Variants in FOXP1 observed in about 807,000 individuals in gnomAD.
FOXP1 encodes forkhead box protein P1.
A neutral mutation model predicts 98.2 loss-of-function variants in FOXP1; 15 were observed. The ratio of observed to expected loss-of-function variants is 0.15; its 90% CI spans 0.10 to 0.24. The LOEUF (loss-of-function observed/expected upper bound fraction) is 0.24. Ranked by LOEUF, FOXP1 falls within the 10% of genes least tolerant of loss-of-function variation. The probability of loss-of-function intolerance (pLI) is 1.00; values close to 1 mark genes in which losing one functional copy is unlikely to be tolerated. For missense variants in FOXP1, 633 were observed against 848.5 expected, an observed-to-expected ratio of 0.75 and a Z score of 3.15; for synonymous variants, 371 against 314.5, an observed-to-expected ratio of 1.18 and a Z score of -1.90.
chr3:71,148,600 C>T (rs2060430568), intron 6 of FOXP1, among the ~76,000 whole-genome samples: 2 of 152,144 alleles, frequency 1.3e-5, no homozygotes, highest in Admixed American at 1.3e-4. Context: ...AATTTAAATG[C>T]ATTACTGTCT....
rs2081172622 is a variant in FOXP1 at position 71,393,406 on chromosome 3, A to AT, written c.-167-34163dup. On this transcript the variant is annotated intron_variant, in intron 3 of 20. Transcript: ENST00000649528. ...TAATGATGACTATAGAAGACTCATA[A>AT]TAAAAAAAAAACTCATAAAATGTCA... is the stretch of plus-strand genomic sequence containing the variant. 3.3e-5 allele frequency among the ~76,000 whole-genome samples: 5 copies of AT among 152,112 alleles called. No homozygotes were observed. The South Asian group carries it at 1.0e-3, about 32-fold the overall frequency.
intron 7 of FOXP1, among the ~76,000 whole-genome samples, chr3:71,075,422 T>A (rs1054876799): frequency 3.3e-5 from 5 of 152,194 alleles, no homozygotes; most frequent in African/African-American, 1.2e-4. Flanking sequence ...CAAAATTTAT[T>A]TTAGTTTCTT....
chr3:71,395,100 CAAAAAAAAAAAA>C (rs10543398), intron 3 of FOXP1, among the ~76,000 whole-genome samples: 58 of 63,806 alleles, frequency 9.1e-4, no homozygotes, highest in South Asian at 3.5e-3. Context: ...AACCCCGTCA[CAAAAAAAAAAAA>C]AAAAAAAAAA....
chr3:71,526,601 A>T (rs1174252257), intron 2 of FOXP1, among the ~76,000 whole-genome samples: 1 of 152,238 alleles, frequency 6.6e-6, no homozygotes, highest in Non-Finnish European at 1.5e-5. Context: ...TCTTCTTTGA[A>T]TGTAGCACTG....
intron 3 of FOXP1, among the ~76,000 whole-genome samples, chr3:71,369,255 T>C (rs1319927670): frequency 6.6e-6 from 1 of 152,070 alleles, no homozygotes; most frequent in East Asian, 1.9e-4. Flanking sequence ...CTGGGCGTAG[T>C]GGCGGGTAAG....
At chr3:71,373,580 T>C (rs1193295253) in intron 3 of FOXP1, among the ~76,000 whole-genome samples, 1 of 152,202 alleles carries the variant, frequency 6.6e-6, no homozygotes, top group Non-Finnish European at 1.5e-5. Flanking sequence ...GCACTAAGCT[T>C]CACAAAAAGC....
chr3:71,065,984 A>G (rs1243904975), intron 7 of FOXP1, among the ~76,000 whole-genome samples: 1 of 150,218 alleles, frequency 6.7e-6, no homozygotes, highest in Non-Finnish European at 1.5e-5. Context: ...TGGCCTGTAT[A>G]TTTTTTAAAG....
intron 13 of FOXP1, among the ~76,000 whole-genome samples, chr3:70,992,191 T>G (rs2040708319): frequency 6.6e-6 from 1 of 152,198 alleles, no homozygotes; most frequent in South Asian, 2.1e-4. Context: ...GGACCCCAAG[T>G]GTCCAAGTTT....
At chr3:71,091,107 G>GTT (rs1433526667) in intron 7 of FOXP1, among the ~76,000 whole-genome samples, 1 of 116,694 alleles carries the variant, frequency 8.6e-6, no homozygotes, top group African/African-American at 3.3e-5. Context: ...CTGTGTGTGT[G>GTT]TGTGTGTGTG....
At chr3:70,963,903 G>C (rs554709770) in intron 20 of FOXP1, among the ~76,000 whole-genome samples, 5 of 152,312 alleles carry the variant, frequency 3.3e-5, no homozygotes, top group African/African-American at 7.2e-5. Flanking sequence ...CTCAATATTA[G>C]CTAGGCCGCC....
At chr3:71,380,526 T>C (rs1399330281) in intron 3 of FOXP1, among the ~76,000 whole-genome samples, 2 of 152,236 alleles carry the variant, frequency 1.3e-5, no homozygotes, top group African/African-American at 4.8e-5. Flanking sequence ...TTCTTTTCAC[T>C]CTGATGGAAA....
chr3:71,337,909 C>G (rs7638193), intron 4 of FOXP1, among the ~76,000 whole-genome samples: 2,417 of 152,160 alleles, frequency 0.016, 49 homozygotes, highest in African/African-American at 0.043. Context: ...ACAAGGGACT[C>G]AAGATATGTA....
At chr3:71,304,237 C>T (rs79655991) in intron 4 of FOXP1, among the ~76,000 whole-genome samples, 2,689 of 152,240 alleles carry the variant, frequency 0.018, 90 homozygotes, top group African/African-American at 0.062. Flanking sequence ...CACTCCACAT[C>T]GGCCCATCTC....
At chr3:71,411,309 G>GTA (rs1454917708) in intron 3 of FOXP1, among the ~76,000 whole-genome samples, 1 of 133,538 alleles carries the variant, frequency 7.5e-6, no homozygotes, top group South Asian at 2.3e-4. Context: ...GTGTGTGTGT[G>GTA]TGTGTGTGTA....
chr3:71,174,549 T>C (rs1280644530), intron 6 of FOXP1, among the ~76,000 whole-genome samples: 12 of 152,166 alleles, frequency 7.9e-5, no homozygotes, highest in Non-Finnish European at 4.4e-5. Context: ...AATTCCTGAT[T>C]TCATCCATCT....
chr3:71,191,955 GC>G lies in FOXP1; in HGVS notation c.180+6246del, dbSNP rs955593400. Among the ~76,000 whole-genome samples the G allele has an allele frequency of 5.9e-5, 9 of 152,296 alleles. No homozygotes were observed. The East Asian group carries it at 1.2e-3, about 20-fold the overall frequency. The stretch of plus-strand genomic sequence containing the variant: ...TTCAATAAAAGTGTATCTCAGCATA[GC>G]AATTCCTTTAAAATTACAGCTGGGT... On this transcript the variant is annotated intron_variant, in intron 6 of 20. Coordinates refer to ENST00000649528, the MANE Select transcript of FOXP1 (RefSeq NM_001349338.3).
intron 6 of FOXP1, among the ~76,000 whole-genome samples, chr3:71,185,325 G>C (rs143994360): frequency 8.9e-4 from 136 of 152,268 alleles, no homozygotes; most frequent in African/African-American, 2.8e-3. Context: ...AGTTGGAAGG[G>C]AGAAAATACA....
chr3:71,527,742 A>G (rs1449599942), intron 2 of FOXP1, among the ~76,000 whole-genome samples: 2 of 152,234 alleles, frequency 1.3e-5, no homozygotes, highest in African/African-American at 2.4e-5. Context: ...GAAAAAAAAT[A>G]TATGTTTGTG....
chr3:71,182,765 G>A (rs760581731), intron 6 of FOXP1, among the ~76,000 whole-genome samples: 12 of 151,834 alleles, frequency 7.9e-5, no homozygotes, highest in African/African-American at 1.7e-4. Context: ...GACTGATCTC[G>A]AACTCCTGAG....
Sources: gnomAD v4.1 joint callset for allele counts (sites outside exome capture counted in the v4.1 genomes callset) on GRCh38, gnomAD v4.1.1 for gene constraint, MANE v1.5 for transcripts, NCBI Gene and HGNC (gene_info 2026-07-23, HGNC 2026-07-21) for gene names.